The following TFB1M variants were observed in gnomAD, a reference collection of about 807,000 sequenced individuals.
TFB1M encodes the protein transcription factor B1, mitochondrial, also known as dimethyladenosine transferase 1, mitochondrial.
Under a neutral mutation model 31.1 loss-of-function variants are expected in TFB1M, and 27 were observed. The observed-to-expected ratio is 0.87, with a 90% confidence interval of 0.64 to 1.20. TFB1M has a LOEUF of 1.20. Ranked by LOEUF, TFB1M falls within the 50% of genes most tolerant of loss-of-function variation. The pLI, the probability that TFB1M is intolerant of heterozygous loss-of-function variation, is 0.00. For missense variants in TFB1M, 394 were observed against 418.7 expected (o/e 0.94, Z 0.51); for synonymous variants, 166 against 151.8 (o/e 1.09, Z -0.69).
chr6:155,276,471 A>G, intron 5 of TFB1M: 1 of 1,152,394 alleles, frequency 8.7e-7, no homozygotes, highest in Non-Finnish European at 1.2e-6. Context: ...AACTTTCCCT[A>G]CAAAGAAAGT....
the TFB1M span, among the ~76,000 whole-genome samples, chr6:155,236,579 C>G: frequency 6.6e-6 from 1 of 152,134 alleles, no homozygotes; most frequent in Non-Finnish European, 1.5e-5. Flanking sequence ...AGGAGAATTG[C>G]TTGCACCCGG....
chr6:155,277,213 C>T (rs554838593), intron 5 of TFB1M, among the ~76,000 whole-genome samples: 31 of 152,234 alleles, frequency 2.0e-4, no homozygotes, highest in Admixed American at 6.5e-5. Context: ...ATCCCACTTC[C>T]TCTCTCATTT....
At chr6:155,262,702 T>C (rs1005855460) in intron 5 of TFB1M, among the ~76,000 whole-genome samples, 2 of 152,096 alleles carry the variant, frequency 1.3e-5, no homozygotes, top group African/African-American at 2.4e-5. Context: ...AAAGCACAAA[T>C]ACAGAGATAG....
chr6:155,287,655 C>T (rs1776727353), intron 4 of TFB1M, among the ~76,000 whole-genome samples: 1 of 150,886 alleles, frequency 6.6e-6, no homozygotes, highest in African/African-American at 2.4e-5. Context: ...TAAGATAGTA[C>T]AACTCATAGA....
rs1156518780 is a variant in TFB1M at position 155,314,484 on chromosome 6, C to G, written c.-56G>C. The G allele has an allele frequency of 3.0e-5, 49 of 1,612,376 alleles. No homozygotes were observed. The highest frequency in any genetic ancestry group is 4.0e-5 in the Non-Finnish European group (47 of 1,179,482). ...TCACCCAGGACCTTCACCGCCGCTCCGAAAGAAACGCGCAGGGGAGGAACC... is the reference window on the plus strand; with the variant it reads ...TCACCCAGGACCTTCACCGCCGCTCGGAAAGAAACGCGCAGGGGAGGAACC... On this transcript the variant is annotated 5_prime_UTR_variant, in exon 1 of 7. Coordinates refer to ENST00000367166, the MANE Select transcript of TFB1M (RefSeq NM_016020.4).
the TFB1M span, among the ~76,000 whole-genome samples, chr6:155,240,935 C>T: frequency 6.6e-6 from 1 of 152,182 alleles, no homozygotes; most frequent in Non-Finnish European, 1.5e-5. Flanking sequence ...TATTTTGTTA[C>T]CAAGGTAGCT....
At chr6:155,244,250 C>T in the TFB1M span, among the ~76,000 whole-genome samples, 2 of 152,192 alleles carry the variant, frequency 1.3e-5, no homozygotes, top group African/African-American at 2.4e-5. Flanking sequence ...GCTGTGGCCT[C>T]GGCTGCATGA....
the TFB1M span, among the ~76,000 whole-genome samples, chr6:155,235,022 A>G: frequency 1.3e-5 from 2 of 151,562 alleles, no homozygotes; most frequent in African/African-American, 4.8e-5. Flanking sequence ...ACAGCTAGAG[A>G]CAGAGCACAG....
At chr6:155,247,885 A>G in the TFB1M span, 2 of 1,331,906 alleles carry the variant, frequency 1.5e-6, no homozygotes, top group Non-Finnish European at 2.1e-6. Flanking sequence ...TTTTCATTAA[A>G]GAATGGCATT....
At chr6:155,307,292 T>G (rs150998835) in intron 2 of TFB1M, among the ~76,000 whole-genome samples, 87 of 152,290 alleles carry the variant, frequency 5.7e-4, no homozygotes, top group African/African-American at 1.7e-3. Context: ...CTGCTGCTCA[T>G]AAAGACATTC....
chr6:155,303,775 G>A (rs372889868), intron 2 of TFB1M, among the ~76,000 whole-genome samples: 20 of 152,218 alleles, frequency 1.3e-4, no homozygotes, highest in Non-Finnish European at 1.2e-4. Context: ...AACTATTACT[G>A]GCTACTGGGA....
At chr6:155,244,628 C>T in the TFB1M span, 37 of 1,608,066 alleles carry the variant, frequency 2.3e-5, no homozygotes, top group Admixed American at 6.2e-4. Flanking sequence ...ATGGCTAATC[C>T]CCTCATTTCA....
At chr6:155,274,624 T>C (rs1785085551) in intron 5 of TFB1M, among the ~76,000 whole-genome samples, 1 of 152,216 alleles carries the variant, frequency 6.6e-6, no homozygotes, top group East Asian at 1.9e-4. Context: ...GTGGCTTAAT[T>C]GTTTTGAGTA....
At chr6:155,240,632 G>A in the TFB1M span, 19 of 1,613,922 alleles carry the variant, frequency 1.2e-5, no homozygotes, top group East Asian at 4.2e-4. Flanking sequence ...GAGGTCTCTG[G>A]CCCGCCACCT....
chr6:155,261,857 C>T (rs1260400887), intron 5 of TFB1M, among the ~76,000 whole-genome samples: 3 of 152,222 alleles, frequency 2.0e-5, no homozygotes, highest in Non-Finnish European at 2.9e-5. Context: ...CATCCATCAG[C>T]CTTCTTGTGA....
intron 5 of TFB1M, 135 bp from the exon 6 acceptor site, chr6:155,260,535 C>A: frequency 8.8e-7 from 1 of 1,142,692 alleles, no homozygotes. Context: ...CCACGTACTT[C>A]GGTTTCATCT....
the TFB1M span, among the ~76,000 whole-genome samples, chr6:155,230,900 C>T: frequency 9.3e-5 from 14 of 150,144 alleles, no homozygotes; most frequent in African/African-American, 3.4e-4. Context: ...GTGGAACGAT[C>T]TTGGCTCACT....
At chr6:155,250,124 C>T in the TFB1M span, among the ~76,000 whole-genome samples, 1 of 152,082 alleles carries the variant, frequency 6.6e-6, no homozygotes, top group African/African-American at 2.4e-5. Context: ...ACACAATTTA[C>T]ATATAGACAT....
At chr6:155,309,678 A>G (rs80146864) in intron 2 of TFB1M, among the ~76,000 whole-genome samples, 1,706 of 152,290 alleles carry the variant, frequency 0.011, 35 homozygotes, top group African/African-American at 0.039. Flanking sequence ...TAAGAGCAAA[A>G]AAGTCAGGTG....
Sources: allele counts gnomAD v4.1 joint callset (sites outside exome capture counted in the v4.1 genomes callset), GRCh38; gene constraint gnomAD v4.1.1; transcripts MANE v1.5; gene names NCBI Gene and HGNC (gene_info 2026-07-23, HGNC 2026-07-21).